ARHGEF10: variants seen among roughly 807,000 people sequenced by gnomAD.
ARHGEF10 encodes the protein Rho guanine nucleotide exchange factor (GEF) 10.
Under a neutral mutation model 147.4 loss-of-function variants are expected in ARHGEF10, and 140 were observed. That is an observed-to-expected ratio of 0.95 (90% CI 0.83 to 1.09). The LOEUF is 1.09. ARHGEF10 is among the 50% of genes least tolerant of loss of function. ARHGEF10 has a pLI of 0.00. For missense variants in ARHGEF10, 2,222 were observed against 1,752.7 expected (o/e 1.27, Z -4.78); for synonymous variants, 902 against 695.8 (o/e 1.30, Z -4.67).
chr8:1,823,755 G>C (rs1290243430), upstream of ARHGEF10, among the ~76,000 whole-genome samples: 1 of 151,906 alleles, frequency 6.6e-6, no homozygotes, highest in African/African-American at 2.4e-5. Flanking sequence ...GCCTGGGCCG[G>C]GCGTTGGGCA....
chr8:1,936,855 G>A (rs758728149), intron 26 of ARHGEF10, among the ~76,000 whole-genome samples: 1 of 152,264 alleles, frequency 6.6e-6, no homozygotes, highest in Non-Finnish European at 1.5e-5. Flanking sequence ...CGTGGACACC[G>A]CTTTGGCTTG....
At chr8:1,898,102 G>C (rs961057537) in intron 14 of ARHGEF10, among the ~76,000 whole-genome samples, 12 of 152,176 alleles carry the variant, frequency 7.9e-5, no homozygotes, top group African/African-American at 2.9e-4. Context: ...CACCGGAAGA[G>C]GTTGCCAGCC....
In ARHGEF10 at chr8:1,876,841, A is replaced by T; in HGVS notation, c.843+107A>T. 2.3e-6 allele frequency: 3 copies of T among 1,298,708 alleles called. No homozygotes were observed. In the South Asian group the frequency reaches 3.6e-5, roughly 15 times the overall value. The allele number at this position is 1,298,708 out of a possible 1,614,324, so 80.4% of individuals were successfully genotyped here. ...TAGTACTTCATAGTGATTTGTTAAG[A>T]TGCTGATAAGTAGTTTGGGGAAAGC... On this transcript the variant is annotated intron_variant, in intron 8 of 28. Coordinates refer to ENST00000349830, the MANE Select transcript of ARHGEF10 (RefSeq NM_014629.4).
Position 1,923,817 on chromosome 8 carries a change from AC to A in ARHGEF10, c.2435del (p.Pro812LeufsTer18). The A allele has an allele frequency of 6.2e-7, 1 of 1,614,076 alleles. No individual in the cohort carries two copies. Among genetic ancestry groups the A allele is most frequent in the East Asian group, 2.2e-5 (1 of 44,874 alleles). On this transcript the variant is annotated frameshift_variant, in exon 21 of 29. Transcript: ENST00000349830. LOFTEE classifies it high-confidence loss of function. ...TFFTAVFNTFTPAIKESWVNS... is the reference protein window; with the variant it reads ...TFFTAVFNTFXPAIKESWVNS... ...CTTTACAGCTGTGTTCAATACGTTC[AC>A]CCCTGCCATCAAGGAGTCCTGGGTC...
At chr8:1,899,499 A>G (rs1458894782) in intron 15 of ARHGEF10, among the ~76,000 whole-genome samples, 1 of 152,144 alleles carries the variant, frequency 6.6e-6, no homozygotes, top group African/African-American at 2.4e-5. Context: ...CATTGAGGTT[A>G]TTTTTATTTT....
chr8:1,854,512 C>T (rs548381422), intron 2 of ARHGEF10, among the ~76,000 whole-genome samples: 39 of 152,326 alleles, frequency 2.6e-4, no homozygotes, highest in Middle Eastern at 3.4e-3. Flanking sequence ...AAGTCTTTCC[C>T]TGCAGTGTTT....
intron 2 of ARHGEF10, among the ~76,000 whole-genome samples, chr8:1,857,578 C>G (rs936488480): frequency 6.6e-6 from 1 of 152,038 alleles, no homozygotes; most frequent in East Asian, 1.9e-4. Flanking sequence ...CGCCAACACG[C>G]CTGGCTAATT....
intron 18 of ARHGEF10, among the ~76,000 whole-genome samples, chr8:1,922,408 A>G (rs1440687560): frequency 6.6e-6 from 1 of 152,166 alleles, no homozygotes; most frequent in Admixed American, 6.6e-5. Context: ...AACGGTGTCT[A>G]AAAAATACAA....
chr8:1,903,261 C>T lies in ARHGEF10; in HGVS notation c.1651-20C>T, dbSNP rs779153392. ...GAGTGTCCACGTGGTAACTGCCCAC[C>T]TCTCCCCTGTTGCTTGTAGGACATG... On this transcript the variant is annotated intron_variant, in intron 15 of 28. Transcript: ENST00000349830. The T allele has an allele frequency of 3.7e-6, 6 of 1,613,934 alleles. No individual in the cohort carries two copies. Among genetic ancestry groups the T allele is most frequent in the African/African-American group, 1.3e-5 (1 of 75,030 alleles).
chr8:1,846,238 C>T (rs146452643), intron 2 of ARHGEF10, among the ~76,000 whole-genome samples: 1 of 152,260 alleles, frequency 6.6e-6, no homozygotes, highest in African/African-American at 2.4e-5. Flanking sequence ...GCCACATGAC[C>T]TTGGTCTTTG....
chr8:1,903,658 A>T (rs547955279), intron 16 of ARHGEF10: 4 of 638,878 alleles, frequency 6.3e-6, no homozygotes, highest in African/African-American at 5.5e-5. Flanking sequence ...TCTTAACAGC[A>T]TTTTCTTAGG....
intron 1 of ARHGEF10, among the ~76,000 whole-genome samples, chr8:1,839,117 G>A (rs78247314): frequency 0.043 from 6,293 of 146,250 alleles, 135 homozygotes; most frequent in African/African-American, 0.088. Flanking sequence ...TCTGGTGTGG[G>A]GACTGTCTGG....
At chr8:1,901,444 G>C (rs372882970) in intron 15 of ARHGEF10, among the ~76,000 whole-genome samples, 1 of 152,292 alleles carries the variant, frequency 6.6e-6, no homozygotes, top group East Asian at 1.9e-4. Flanking sequence ...GCTCACCCTG[G>C]CTATGCTGGT....
At chr8:1,954,635 C>T (rs1274485029) in intron 28 of ARHGEF10, among the ~76,000 whole-genome samples, 2 of 152,232 alleles carry the variant, frequency 1.3e-5, no homozygotes, top group East Asian at 3.9e-4. Context: ...GTGACTCACA[C>T]ACTGAGCCTC....
At chr8:1,865,365 A>G (rs1806496488) in intron 5 of ARHGEF10, among the ~76,000 whole-genome samples, 1 of 150,416 alleles carries the variant, frequency 6.6e-6, no homozygotes, top group African/African-American at 2.5e-5. Flanking sequence ...TGAGGCCATC[A>G]CCAGGACACG....
At chr8:1,932,485 A>T (rs1228495935) in intron 25 of ARHGEF10, among the ~76,000 whole-genome samples, 1 of 151,326 alleles carries the variant, frequency 6.6e-6, no homozygotes, top group East Asian at 1.9e-4. Flanking sequence ...TGACATGTGC[A>T]CGTGTGTGTG....
intron 2 of ARHGEF10, among the ~76,000 whole-genome samples, chr8:1,850,925 T>G (rs1805084745): frequency 6.6e-6 from 1 of 151,878 alleles, no homozygotes; most frequent in South Asian, 2.1e-4. Context: ...TGCATCTTAC[T>G]GAGCGAGAGA....
chr8:1,905,819 G>T (rs903246578), intron 17 of ARHGEF10, 103 bp downstream of exon 17: 17 of 1,458,068 alleles, frequency 1.2e-5, no homozygotes, highest in Middle Eastern at 1.8e-4. Flanking sequence ...AGACTGAACT[G>T]GTTTTTTGTG....
rs182253355 is a variant in ARHGEF10, at chr8:1,830,803, C to T, written c.-48+6690C>T. ...AAGGCATACACGGGGCTACAAGGTG[C>T]GGAGAGGAGGGATTTGAAATTGAAT... is the stretch of plus-strand genomic sequence containing the variant. On this transcript the variant is annotated intron_variant, in intron 1 of 28. Coordinates refer to ENST00000349830, the MANE Select transcript of ARHGEF10 (RefSeq NM_014629.4). Among the ~76,000 whole-genome samples, 9 of 152,234 alleles carry T rather than the reference C, an allele frequency of 5.9e-5. No homozygotes were observed. In the Middle Eastern group the frequency reaches 0.01, roughly 173 times the overall value.
Sources: allele counts gnomAD v4.1 joint callset (sites outside exome capture counted in the v4.1 genomes callset), GRCh38; gene constraint gnomAD v4.1.1; transcripts MANE v1.5; gene names NCBI Gene and HGNC (gene_info 2026-07-23, HGNC 2026-07-21).